The following PMPCA variants were observed in gnomAD, a reference collection of about 807,000 sequenced individuals.
PMPCA encodes mitochondrial-processing peptidase subunit alpha.
Under a neutral mutation model 59.3 loss-of-function variants are expected in PMPCA, and 47 were observed. The ratio of observed to expected loss-of-function variants is 0.79; its 90% CI spans 0.63 to 1.01. The LOEUF (loss-of-function observed/expected upper bound fraction) is 1.01, where lower values mean the gene tolerates loss of function less well. PMPCA is among the 50% of genes least tolerant of loss of function. The pLI is 0.00. For synonymous variants in PMPCA, 338 were observed against 290.3 expected (o/e 1.16, Z -1.67); for missense variants, 726 against 704.5 (o/e 1.03, Z -0.34).
intron 5 of PMPCA, 35 bp downstream of exon 5, chr9:136,414,682 T>C: frequency 7.3e-7 from 1 of 1,375,154 alleles, no homozygotes; most frequent in Non-Finnish European, 1.0e-6. Context: ...TGAGGTGGGC[T>C]TGGACATAGG....
intron 6 of PMPCA, chr9:136,416,684 A>G (rs995754032): frequency 1.5e-5 from 9 of 589,726 alleles, no homozygotes; most frequent in Non-Finnish European, 1.8e-5. Flanking sequence ...TGTTTATACA[A>G]TGTTCGTATT....
At position 136,418,617 on chromosome 9, in the gene PMPCA, G is replaced by T. The variant is rs750719058; in HGVS notation, c.1053G>T (p.Ser351=). 1 of 1,614,016 alleles carries T rather than the reference G, an allele frequency of 6.2e-7. No individual in the cohort carries two copies. Among genetic ancestry groups the T allele is most frequent in the South Asian group, 1.1e-5 (1 of 91,078 alleles). The change falls in exon 9 of 13, where the codon TCG becomes TCT. Residue 351 remains serine, a synonymous_variant. Transcript: ENST00000371717. The part of the protein sequence containing the change: ...NMMMGGGGSF[S]AGGPGKGMFS... ...TGATGGGCGGAGGTGGCTCCTTCTC[G>T]GCTGGTGGGCCCGGCAAGGGCATGT...
intron 12 of PMPCA, chr9:136,422,400 T>C (rs945547882): frequency 3.5e-6 from 4 of 1,132,130 alleles, no homozygotes; most frequent in Middle Eastern, 3.7e-4. Flanking sequence ...GGGGCCCCCA[T>C]GAGTGACCTT....
chr9:136,423,732 C>T lies in PMPCA; in HGVS notation c.*468C>T, dbSNP rs560676968. The T allele has an allele frequency of 6.4e-5, 10 of 156,580 alleles. No homozygotes were observed. The South Asian group carries it at 1.4e-3, about 22-fold the overall frequency. The allele number at this position is 156,580 out of a possible 1,614,324, so 9.7% of individuals were successfully genotyped here. On this transcript the variant is annotated 3_prime_UTR_variant, in exon 13 of 13. Coordinates refer to ENST00000371717, the MANE Select transcript of PMPCA (RefSeq NM_015160.3). Reference sequence around the variant, plus strand: ...GCTCCACGCGCGTGCACACAGCTTCCCTGGTAATAAAGAGCTGGCATCTTT... The same window carrying T: ...GCTCCACGCGCGTGCACACAGCTTCTCTGGTAATAAAGAGCTGGCATCTTT...
intron 5 of PMPCA, 45 bp from the exon 6 acceptor site, chr9:136,416,246 C>A: frequency 1.4e-6 from 2 of 1,383,928 alleles, no homozygotes; most frequent in Non-Finnish European, 2.1e-6. Context: ...TGTTCCTCAT[C>A]TCTGCCTGTG....
intron 4 of PMPCA, 93 bp downstream of exon 4, chr9:136,412,985 G>T: frequency 1.3e-6 from 1 of 785,346 alleles, no homozygotes; most frequent in Admixed American, 2.1e-5. Flanking sequence ...CTCCCAGCGG[G>T]AGGTGTGGAG....
chr9:136,417,463 C>T (rs567659333), intron 7 of PMPCA, among the ~76,000 whole-genome samples: 112 of 149,344 alleles, frequency 7.5e-4, no homozygotes, highest in South Asian at 5.7e-3. Flanking sequence ...TCTGCCACTG[C>T]GTGTTGCATT....
rs1279505474 is a variant in PMPCA at position 136,422,910 on chromosome 9, G to A, written c.1409-185G>A. 6.4e-6 allele frequency: 9 copies of A among 1,403,894 alleles called. No individual in the cohort carries two copies. In the East Asian group the frequency reaches 1.0e-4, roughly 16 times the overall value. The allele number at this position is 1,403,894 out of a possible 1,614,324, so 87.0% of individuals were successfully genotyped here. A position where few individuals can be genotyped will look rare whatever the true frequency, so the allele number is the denominator to read the frequency against. Reference sequence around the variant, plus strand: ...TGTCCCCATTTACTGAGAACTCAACGTCTGTCACTTGTGGACTCACCCTTG... The same window carrying A: ...TGTCCCCATTTACTGAGAACTCAACATCTGTCACTTGTGGACTCACCCTTG... On this transcript the variant is annotated intron_variant, in intron 12 of 12. Coordinates refer to ENST00000371717, the MANE Select transcript of PMPCA (RefSeq NM_015160.3).
chr9:136,410,855 C>G, intron 1 of PMPCA, 116 bp downstream of exon 1: 1 of 887,598 alleles, frequency 1.1e-6, no homozygotes. Flanking sequence ...GCTCGCACTT[C>G]GGGACACTGG....
intron 6 of PMPCA, 68 bp from the exon 7 acceptor site, chr9:136,416,883 G>T (rs1250128279): frequency 1.3e-6 from 2 of 1,482,548 alleles, no homozygotes; most frequent in African/African-American, 1.4e-5. Context: ...GGGCGCTGGT[G>T]CTGCTTGTTG....
At chr9:136,414,487 G>A (rs1835218095) in intron 4 of PMPCA, 66 bp from the exon 5 acceptor site, 26 of 1,071,460 alleles carry the variant, frequency 2.4e-5, no homozygotes, top group Admixed American at 5.1e-5. Flanking sequence ...AAGCCCGAGC[G>A]TCCCCTGGCT....
At chr9:136,419,404 A>T (rs1835383292) in intron 11 of PMPCA, 4 of 522,972 alleles carry the variant, frequency 7.6e-6, no homozygotes, top group South Asian at 6.2e-5. Context: ...GAGTCGTGGG[A>T]CTGACCATGT....
intron 11 of PMPCA, 33 bp downstream of exon 11, chr9:136,419,139 C>T: frequency 6.3e-7 from 1 of 1,585,786 alleles, no homozygotes; most frequent in Non-Finnish European, 8.7e-7. Context: ...TCCAGGCGTA[C>T]CTGTGGTGTC....
At chr9:136,416,068 A>G (rs1031489159) in intron 5 of PMPCA, 44 of 586,630 alleles carry the variant, frequency 7.5e-5, no homozygotes, top group African/African-American at 7.5e-4. Flanking sequence ...TGGCTGCTTC[A>G]TGGCTGAGGC....
At chr9:136,414,819 C>G (rs1045373596) in intron 5 of PMPCA, among the ~76,000 whole-genome samples, 172 bp downstream of exon 5, 1 of 152,224 alleles carries the variant, frequency 6.6e-6, no homozygotes, top group African/African-American at 2.4e-5. Context: ...GGCATGGTGG[C>G]TCACACCTGG....
At chr9:136,414,475 C>CA (rs1299503256) in intron 4 of PMPCA, 78 bp from the exon 5 acceptor site, 1 of 972,194 alleles carries the variant, frequency 1.0e-6, no homozygotes, top group Non-Finnish European at 1.7e-6. Flanking sequence ...ACCTGGCACG[C>CA]AAAGCCCGAG....
Position 136,414,512 on chromosome 9 carries a change from G to T in PMPCA, c.438-41G>T, listed in dbSNP as rs780649933. ...GTCCCCTGGCTGTTAAGCAGAGTGT[G>T]AGTTCAGGGCCTGGCATTATGGGCT... On this transcript the variant is annotated intron_variant, in intron 4 of 12. Coordinates refer to ENST00000371717, the MANE Select transcript of PMPCA (RefSeq NM_015160.3). 4.5e-6 allele frequency: 6 copies of T among 1,335,780 alleles called. No homozygotes were observed. In the South Asian group the frequency reaches 7.0e-5, roughly 16 times the overall value. The allele number at this position is 1,335,780 out of a possible 1,614,324, so 82.7% of individuals were successfully genotyped here. A position where few individuals can be genotyped will look rare whatever the true frequency, so the allele number is the denominator to read the frequency against.
Position 136,423,527 on chromosome 9 carries a change from C to A in PMPCA, c.*263C>A. The A allele has an allele frequency of 2.3e-6, 1 of 427,850 alleles. No homozygotes were observed. The highest frequency in any genetic ancestry group is 4.3e-6 in the Non-Finnish European group (1 of 233,178). 26.5% of individuals were successfully genotyped at this position (427,850 alleles called of 1,614,324 possible). A position where few individuals can be genotyped will look rare whatever the true frequency, so the allele number is the denominator to read the frequency against. ...TGCAGCGTGCCACGAGGAGGGCGGT[C>A]GGTGCTTCCCTCCTCGGGCTGTGGG... On this transcript the variant is annotated 3_prime_UTR_variant, in exon 13 of 13. Transcript: ENST00000371717.
In PMPCA at chr9:136,412,156, C is replaced by T. The variant is rs146571192; in HGVS notation, c.231C>T (p.Arg77=). Residue 77 remains arginine, a synonymous_variant, in exon 2 of 13, where the codon CGC becomes CGT. Transcript: ENST00000371717. ...TKVTTLDNGL[R]VASQNKFGQF... ...TAACCACATTGGATAATGGGCTTCGCGTGGCATCTCAGAATAAGTTTGGAC... is the reference window on the plus strand; with the variant it reads ...TAACCACATTGGATAATGGGCTTCGTGTGGCATCTCAGAATAAGTTTGGAC... The T allele has an allele frequency of 3.7e-5, 60 of 1,613,876 alleles. 1 individual carries two copies. The highest frequency in any genetic ancestry group is 2.5e-4 in the Admixed American group (15 of 60,000).
Sources: gnomAD v4.1 joint callset for allele counts (sites outside exome capture counted in the v4.1 genomes callset) on GRCh38, gnomAD v4.1.1 for gene constraint, MANE v1.5 for transcripts, NCBI Gene and HGNC (gene_info 2026-07-23, HGNC 2026-07-21) for gene names.